RNF180: variants seen among roughly 807,000 people sequenced by gnomAD.
RNF180 encodes the protein E3 ubiquitin-protein ligase RNF180.
A neutral mutation model predicts 59.2 loss-of-function variants in RNF180; 38 were observed. That is an observed-to-expected ratio of 0.64 (90% CI 0.50 to 0.84). The LOEUF (loss-of-function observed/expected upper bound fraction) is 0.84. RNF180 is among the 40% of genes least tolerant of loss of function. The probability of loss-of-function intolerance (pLI) is 0.00; values close to 1 mark genes in which losing one functional copy is unlikely to be tolerated. For synonymous variants in RNF180, 262 were observed against 240.3 expected (o/e 1.09, Z -0.84); for missense variants, 705 against 700.9 (o/e 1.01, Z -0.07).
chr5:64,169,636 A>G (rs1161381389), intron 1 of RNF180, among the ~76,000 whole-genome samples: 25 of 152,204 alleles, frequency 1.6e-4, no homozygotes, highest in Non-Finnish European at 3.5e-4. Context: ...ACTTATTTTA[A>G]CCAAGTAGCC....
chr5:64,322,555 GTATA>G (rs1744412613), intron 5 of RNF180, among the ~76,000 whole-genome samples: 1 of 151,198 alleles, frequency 6.6e-6, no homozygotes, highest in African/African-American at 2.4e-5. Context: ...GTATATGTGT[GTATA>G]TATGTATACA....
rs556918125 is a variant in RNF180, at chr5:64,366,313, G to T, written c.1580-3302G>T. Among the ~76,000 whole-genome samples, 11 of 151,716 alleles carry T rather than the reference G, an allele frequency of 7.3e-5. No individual in the cohort carries two copies. The East Asian group carries it at 2.1e-3, about 30-fold the overall frequency. On this transcript the variant is annotated intron_variant, in intron 7 of 7. Coordinates refer to ENST00000389100, the MANE Select transcript of RNF180 (RefSeq NM_001113561.2). ...CCCCCAATCTCTTCTGGCTTGTAAG[G>T]TTTCTGCTGAGAGGTCCACTGTTAG...
At position 64,350,512 on chromosome 5, in the gene RNF180, G is replaced by A. The variant is rs972922532; in HGVS notation, c.1580-19103G>A. On this transcript the variant is annotated intron_variant, in intron 7 of 7. Coordinates refer to ENST00000389100, the MANE Select transcript of RNF180 (RefSeq NM_001113561.2). Reference sequence around the variant, plus strand: ...CCTATGTCCTGAATTGTATTGCCTAGATTTTCTTCTAGGGTTTTTATGGCT... The same window carrying A: ...CCTATGTCCTGAATTGTATTGCCTAAATTTTCTTCTAGGGTTTTTATGGCT... Among the ~76,000 whole-genome samples the A allele has an allele frequency of 2.6e-5, 4 of 152,220 alleles. No homozygotes were observed. In the East Asian group the frequency reaches 7.7e-4, roughly 29 times the overall value.
At chr5:64,338,589 C>T (rs1256887133) in intron 7 of RNF180, among the ~76,000 whole-genome samples, 2 of 150,396 alleles carry the variant, frequency 1.3e-5, no homozygotes, top group Non-Finnish European at 3.0e-5. Flanking sequence ...GAGTGGAGAT[C>T]GCGCCACTGC....
intron 5 of RNF180, among the ~76,000 whole-genome samples, chr5:64,248,469 A>G (rs879446877): frequency 6.6e-6 from 1 of 152,264 alleles, no homozygotes; most frequent in Non-Finnish European, 1.5e-5. Flanking sequence ...TTCTCAAAAG[A>G]AGACAACAAA....
chr5:64,311,789 C>A (rs1743780195), intron 5 of RNF180, among the ~76,000 whole-genome samples: 1 of 151,946 alleles, frequency 6.6e-6, no homozygotes, highest in Non-Finnish European at 1.5e-5. Flanking sequence ...ATTCACCGTT[C>A]CCCCATTTAT....
At position 64,308,302 on chromosome 5, in the gene RNF180, A is replaced by G. The variant is rs74744976; in HGVS notation, c.1228-16884A>G. ...CTTTTGTAATCATTCGTTGACATGC[A>G]CAGAACAGCAAAAAACTGTAATCTT... On this transcript the variant is annotated intron_variant, in intron 5 of 7. Coordinates refer to ENST00000389100, the MANE Select transcript of RNF180 (RefSeq NM_001113561.2). Among the ~76,000 whole-genome samples, 7 of 151,746 alleles carry G rather than the reference A, an allele frequency of 4.6e-5. No individual in the cohort carries two copies. The South Asian group carries it at 1.4e-3, about 31-fold the overall frequency.
intron 7 of RNF180, among the ~76,000 whole-genome samples, chr5:64,356,431 C>T (rs972895709): frequency 3.3e-5 from 5 of 151,842 alleles, no homozygotes; most frequent in African/African-American, 1.2e-4. Context: ...AACTCTGATA[C>T]ATTGCTGGGA....
chr5:64,215,366 GT>G (rs540846167), intron 4 of RNF180, among the ~76,000 whole-genome samples: 38 of 152,128 alleles, frequency 2.5e-4, no homozygotes, highest in African/African-American at 5.1e-4. Context: ...TGATATATTA[GT>G]TTTTTCTTTT....
chr5:64,369,223 C>T (rs1277526627), intron 7 of RNF180, among the ~76,000 whole-genome samples: 3 of 151,962 alleles, frequency 2.0e-5, no homozygotes, highest in African/African-American at 7.2e-5. Flanking sequence ...AAAAACCAAA[C>T]ACCGCATGTT....
intron 5 of RNF180, among the ~76,000 whole-genome samples, chr5:64,303,717 A>G (rs749914413): frequency 6.6e-6 from 1 of 151,660 alleles, no homozygotes; most frequent in African/African-American, 2.4e-5. Context: ...AGCTGTCTCT[A>G]TAACAAAAAA....
At chr5:64,256,256 T>C (rs1210930456) in intron 5 of RNF180, among the ~76,000 whole-genome samples, 3 of 152,352 alleles carry the variant, frequency 2.0e-5, no homozygotes, top group Non-Finnish European at 2.9e-5. Context: ...TTTGGTGTTT[T>C]AGACATGAAG....
chr5:64,196,837 T>C (rs1751479932), intron 1 of RNF180, among the ~76,000 whole-genome samples: 1 of 152,160 alleles, frequency 6.6e-6, no homozygotes, highest in African/African-American at 2.4e-5. Context: ...GTTATAAAGA[T>C]TATTTCTTAA....
chr5:64,169,231 C>T (rs941099118), intron 1 of RNF180, among the ~76,000 whole-genome samples: 3 of 152,166 alleles, frequency 2.0e-5, no homozygotes, highest in African/African-American at 7.2e-5. Context: ...TCTAAAACAA[C>T]GTCCTGTTGT....
At position 64,236,223 on chromosome 5, in the gene RNF180, T is replaced by TG. The variant is rs1742434847; in HGVS notation, c.1227+18829dup. 2.0e-5 allele frequency among the ~76,000 whole-genome samples: 3 copies of TG among 152,276 alleles called. No individual in the cohort carries two copies. In the South Asian group the frequency reaches 6.2e-4, roughly 32 times the overall value. On this transcript the variant is annotated intron_variant, in intron 5 of 7. Coordinates refer to ENST00000389100, the MANE Select transcript of RNF180 (RefSeq NM_001113561.2). ...AGGCTAAGGCTGAGTTGGTCTCAGG[T>TG]GGAGATGAGGATCTTACTGGGAACT...
At chr5:64,225,903 C>T (rs1165215617) in intron 5 of RNF180, among the ~76,000 whole-genome samples, 1 of 138,712 alleles carries the variant, frequency 7.2e-6, no homozygotes, top group African/African-American at 2.7e-5. Flanking sequence ...CCGGCCACCC[C>T]ATCTGGCCAC....
chr5:64,251,541 G>T (rs892766417), intron 5 of RNF180, among the ~76,000 whole-genome samples: 2 of 152,140 alleles, frequency 1.3e-5, no homozygotes, highest in Admixed American at 1.3e-4. Context: ...TCCTGCCTCA[G>T]CCTTCTGAGT....
chr5:64,309,309 T>G (rs1045425501), intron 5 of RNF180, among the ~76,000 whole-genome samples: 3 of 151,740 alleles, frequency 2.0e-5, no homozygotes, highest in Admixed American at 6.6e-5. Flanking sequence ...ATTTATATGA[T>G]TGTATGTAAT....
chr5:64,312,802 A>T (rs890320293), intron 5 of RNF180, among the ~76,000 whole-genome samples: 1 of 152,060 alleles, frequency 6.6e-6, no homozygotes, highest in Non-Finnish European at 1.5e-5. Flanking sequence ...CAAAGAAAAC[A>T]CAGGAACCTC....
Sources: allele counts gnomAD v4.1 joint callset (sites outside exome capture counted in the v4.1 genomes callset), GRCh38; gene constraint gnomAD v4.1.1; transcripts MANE v1.5; gene names NCBI Gene and HGNC (gene_info 2026-07-23, HGNC 2026-07-21).